Variants in HPSE2 observed in about 807,000 individuals in gnomAD.
HPSE2 encodes the protein heparanase 2 (inactive), also known as inactive heparanase-2.
A neutral mutation model predicts 60.5 loss-of-function variants in HPSE2; 38 were observed. The observed-to-expected ratio is 0.63, with a 90% CI of 0.48 to 0.82. HPSE2 has a LOEUF of 0.82. HPSE2 is among the 40% of genes least tolerant of loss of function. The probability of loss-of-function intolerance (pLI) is 0.00; values close to 1 mark genes in which losing one functional copy is unlikely to be tolerated. For missense variants in HPSE2, 713 were observed against 740.4 expected (o/e 0.96, Z 0.43); for synonymous variants, 295 against 293.2 (o/e 1.01, Z -0.06).
intron 6 of HPSE2, among the ~76,000 whole-genome samples, chr10:98,664,530 C>T (rs1299636159): frequency 6.6e-6 from 1 of 152,134 alleles, no homozygotes; most frequent in African/African-American, 2.4e-5. Flanking sequence ...CAGGAATGGA[C>T]CTGGTAAAGG....
chr10:99,256,084 G>A, the HPSE2 span, among the ~76,000 whole-genome samples: 4 of 151,786 alleles, frequency 2.6e-5, no homozygotes, highest in East Asian at 3.9e-4. Context: ...ACTCAGCATC[G>A]TGAGAACAGC....
At chr10:98,937,790 T>C (rs1954851592) in intron 3 of HPSE2, among the ~76,000 whole-genome samples, 1 of 142,500 alleles carries the variant, frequency 7.0e-6, no homozygotes, top group South Asian at 2.1e-4. Flanking sequence ...CCTCCTCAAG[T>C]GGGTCCCTGA....
Position 98,906,506 on chromosome 10 carries a change from A to C in HPSE2, c.611-162450T>G, listed in dbSNP as rs114472724. On this transcript the variant is annotated intron_variant, in intron 3 of 11. Transcript: ENST00000370552. ...GAACATTAGAGGAAAGGTTAAAGGA[A>C]TTTGAAATATTTATTTTAGAGACAA... Among the ~76,000 whole-genome samples the C allele has an allele frequency of 6.4e-3, 980 of 152,316 alleles. 10 individuals are homozygous for C. The highest frequency in any genetic ancestry group is 0.022 in the African/African-American group (928 of 41,566).
In HPSE2 at chr10:98,873,370, G is replaced by A. The variant is rs142494405; in HGVS notation, c.611-129314C>T. 2.1e-3 allele frequency among the ~76,000 whole-genome samples: 314 copies of A among 151,980 alleles called. 1 individual carries two copies. Among genetic ancestry groups the A allele is most frequent in the African/African-American group, 7.2e-3 (300 of 41,496 alleles). Reference sequence around the variant, plus strand: ...GTTGCCTTCCCTCACCCTCCACCCTGCAACAGGCCCTGGTGTGTGTTGTTT... The same window carrying A: ...GTTGCCTTCCCTCACCCTCCACCCTACAACAGGCCCTGGTGTGTGTTGTTT... On this transcript the variant is annotated intron_variant, in intron 3 of 11. Transcript: ENST00000370552.
intron 3 of HPSE2, among the ~76,000 whole-genome samples, chr10:98,870,883 T>C (rs1472839899): frequency 6.6e-6 from 1 of 151,632 alleles, no homozygotes; most frequent in African/African-American, 2.4e-5. Flanking sequence ...AATGGCTTGA[T>C]GCTATCCTTG....
chr10:98,611,094 G>T lies in HPSE2; in HGVS notation c.1320+3810C>A, dbSNP rs970619207. 3.9e-5 allele frequency among the ~76,000 whole-genome samples: 6 copies of T among 152,218 alleles called. No homozygotes were observed. In the East Asian group the frequency reaches 9.7e-4, roughly 24 times the overall value. On this transcript the variant is annotated intron_variant, in intron 9 of 11. Transcript: ENST00000370552. ...CACGTCCCCATTTTCCCAGTGTTGG[G>T]GGGGGCCAGGGGAAGGGAGTGGGAG...
intron 4 of HPSE2, among the ~76,000 whole-genome samples, chr10:98,729,198 T>C (rs540876502): frequency 6.6e-6 from 1 of 152,184 alleles, no homozygotes; most frequent in African/African-American, 2.4e-5. Flanking sequence ...GGAAATGGAT[T>C]AAATACTCCA....
the HPSE2 span, among the ~76,000 whole-genome samples, chr10:99,302,388 G>T: frequency 6.9e-6 from 1 of 144,824 alleles, no homozygotes; most frequent in African/African-American, 2.4e-5. Flanking sequence ...CCCAAAGGAG[G>T]TAGCAGTTAT....
At chr10:98,540,253 T>C (rs1464867869) in intron 9 of HPSE2, among the ~76,000 whole-genome samples, 2 of 152,240 alleles carry the variant, frequency 1.3e-5, no homozygotes, top group African/African-American at 4.8e-5. Flanking sequence ...AAACCATTTT[T>C]TAGCAATAGG....
the HPSE2 span, among the ~76,000 whole-genome samples, chr10:99,281,138 G>A: frequency 8.8e-4 from 34 of 38,516 alleles, no homozygotes; most frequent in African/African-American, 5.6e-3. Flanking sequence ...GCTGTACATT[G>A]TGTATGTTAT....
At chr10:98,577,310 GA>G (rs1944668824) in intron 9 of HPSE2, among the ~76,000 whole-genome samples, 1 of 152,108 alleles carries the variant, frequency 6.6e-6, no homozygotes, top group African/African-American at 2.4e-5. Context: ...GCAATTTCCT[GA>G]AATCCCACTT....
intron 9 of HPSE2, among the ~76,000 whole-genome samples, chr10:98,549,328 AACTACAAAATAACT>A (rs1219733847): frequency 6.6e-6 from 1 of 151,922 alleles, no homozygotes; most frequent in Non-Finnish European, 1.5e-5. Context: ...TATTCCATAA[AACTACAAAATAACT>A]ATTATTATTA....
At chr10:99,222,225 A>G (rs1849338365) in intron 2 of HPSE2, among the ~76,000 whole-genome samples, 1 of 152,074 alleles carries the variant, frequency 6.6e-6, no homozygotes, top group African/African-American at 2.4e-5. Context: ...CCAGCTTTGG[A>G]GAGAGACTGC....
At chr10:98,760,159 T>C (rs1949973575) in intron 3 of HPSE2, among the ~76,000 whole-genome samples, 1 of 152,110 alleles carries the variant, frequency 6.6e-6, no homozygotes. Context: ...AATTCATTTA[T>C]TAATTCTAAC....
intron 3 of HPSE2, among the ~76,000 whole-genome samples, chr10:99,081,642 A>AT (rs35391002): frequency 0.011 from 1,664 of 145,536 alleles, 24 homozygotes; most frequent in African/African-American, 0.035. Context: ...ATTTCTTTTT[A>AT]TTTTTTTTTT....
At chr10:98,792,522 A>G (rs1169112060) in intron 3 of HPSE2, among the ~76,000 whole-genome samples, 3 of 152,136 alleles carry the variant, frequency 2.0e-5, no homozygotes, top group Non-Finnish European at 2.9e-5. Context: ...CTGAATTGGA[A>G]AGAATAAAGG....
At chr10:98,625,866 G>A (rs1481184234) in intron 7 of HPSE2, among the ~76,000 whole-genome samples, 1 of 152,130 alleles carries the variant, frequency 6.6e-6, no homozygotes, top group Non-Finnish European at 1.5e-5. Context: ...ACTTTGGGAG[G>A]CCGAGGTGGG....
chr10:99,217,470 A>T (rs2133922116), intron 2 of HPSE2, among the ~76,000 whole-genome samples: 1 of 152,202 alleles, frequency 6.6e-6, no homozygotes. Flanking sequence ...CAACTCACTC[A>T]GAGATTCTTA....
the HPSE2 span, among the ~76,000 whole-genome samples, chr10:99,288,444 A>G: frequency 6.6e-6 from 1 of 152,222 alleles, no homozygotes; most frequent in Admixed American, 6.5e-5. Flanking sequence ...TTATCCCAGA[A>G]TAAAAAGAAG....
Sources: gnomAD v4.1 joint callset for allele counts (sites outside exome capture counted in the v4.1 genomes callset) on GRCh38, gnomAD v4.1.1 for gene constraint, MANE v1.5 for transcripts, NCBI Gene and HGNC (gene_info 2026-07-23, HGNC 2026-07-21) for gene names.